CDKAL1: variants seen among roughly 807,000 people sequenced by gnomAD.
CDKAL1 encodes threonylcarbamoyladenosine tRNA methylthiotransferase.
A neutral mutation model predicts 68.2 loss-of-function variants in CDKAL1; 32 were observed. The observed-to-expected ratio is 0.47, with a 90% CI of 0.35 to 0.63. CDKAL1 has a LOEUF of 0.63. Ranked by LOEUF, CDKAL1 falls within the 30% of genes least tolerant of loss-of-function variation. CDKAL1 has a pLI of 0.00. For synonymous variants in CDKAL1, 234 were observed against 244.3 expected (o/e 0.96, Z 0.39); for missense variants, 606 against 696.7 (o/e 0.87, Z 1.47).
At chr6:20,725,107 A>G (rs1288297200) in intron 5 of CDKAL1, among the ~76,000 whole-genome samples, 3 of 152,118 alleles carry the variant, frequency 2.0e-5, no homozygotes, top group Non-Finnish European at 4.4e-5. Context: ...ATATACTGAT[A>G]TATTCTGGAG....
intron 12 of CDKAL1, among the ~76,000 whole-genome samples, chr6:21,070,844 G>T (rs563823710): frequency 1.3e-5 from 2 of 152,150 alleles, no homozygotes; most frequent in African/African-American, 2.4e-5. Context: ...CACAGAAATT[G>T]TAGTCCCTGA....
intron 8 of CDKAL1, among the ~76,000 whole-genome samples, chr6:20,814,731 A>T (rs1259024948): frequency 6.6e-6 from 1 of 152,112 alleles, no homozygotes; most frequent in Non-Finnish European, 1.5e-5. Context: ...ACTAGAAAGG[A>T]ATTGTTTTGC....
At chr6:21,008,180 C>T (rs941620256) in intron 11 of CDKAL1, among the ~76,000 whole-genome samples, 2 of 152,018 alleles carry the variant, frequency 1.3e-5, no homozygotes, top group African/African-American at 2.4e-5. Flanking sequence ...GATAGAGCCC[C>T]CCTTAGGCTG....
At chr6:21,032,027 CCTGCA>C (rs2150879514) in intron 11 of CDKAL1, among the ~76,000 whole-genome samples, 1 of 152,142 alleles carries the variant, frequency 6.6e-6, no homozygotes, top group East Asian at 1.9e-4. Flanking sequence ...CATTTCGACT[CCTGCA>C]CGTCCTATCT....
chr6:21,073,962 G>T (rs9295491), intron 12 of CDKAL1, among the ~76,000 whole-genome samples: 32,997 of 152,030 alleles, frequency 0.22, 3,837 homozygotes, highest in East Asian at 0.31. Flanking sequence ...CTGTTTCCTT[G>T]TATTATTCTC....
intron 9 of CDKAL1, among the ~76,000 whole-genome samples, chr6:20,910,433 T>G (rs1473044209): frequency 6.6e-6 from 1 of 152,216 alleles, no homozygotes; most frequent in African/African-American, 2.4e-5. Context: ...ATTGGAAATT[T>G]AAATTTAACT....
chr6:21,138,999 G>T (rs902343572), intron 13 of CDKAL1, among the ~76,000 whole-genome samples: 6 of 152,202 alleles, frequency 3.9e-5, no homozygotes, highest in African/African-American at 1.2e-4. Flanking sequence ...GAGAATGTGA[G>T]AGGCACGTCC....
intron 9 of CDKAL1, among the ~76,000 whole-genome samples, chr6:20,851,141 A>AT (rs1758989491): frequency 6.6e-6 from 1 of 151,808 alleles, no homozygotes; most frequent in South Asian, 2.1e-4. Flanking sequence ...TCTGGGTATC[A>AT]TTTTGTTGTT....
intron 4 of CDKAL1, among the ~76,000 whole-genome samples, chr6:20,597,965 C>T (rs765085717): frequency 2.0e-5 from 3 of 152,196 alleles, no homozygotes; most frequent in Non-Finnish European, 2.9e-5. Context: ...GTTTCCACTA[C>T]TGAGTGTTAA....
intron 5 of CDKAL1, among the ~76,000 whole-genome samples, chr6:20,658,173 A>T (rs974540245): frequency 1.3e-5 from 2 of 152,208 alleles, no homozygotes; most frequent in South Asian, 2.1e-4. Flanking sequence ...AAATAAACAC[A>T]TCTTGTGTGT....
intron 11 of CDKAL1, among the ~76,000 whole-genome samples, chr6:21,017,538 G>T (rs1217589143): frequency 6.6e-6 from 1 of 152,160 alleles, no homozygotes; most frequent in African/African-American, 2.4e-5. Context: ...CTAGGGTTTG[G>T]TTCAGTACAT....
At chr6:21,091,520 CCAGCTCAGGCGTA>C (rs1421133304) in intron 12 of CDKAL1, among the ~76,000 whole-genome samples, 1 of 152,180 alleles carries the variant, frequency 6.6e-6, no homozygotes, top group African/African-American at 2.4e-5. Flanking sequence ...CATTCCCTCC[CCAGCTCAGGCGTA>C]CAGCTCAGGC....
intron 9 of CDKAL1, among the ~76,000 whole-genome samples, chr6:20,880,506 C>T (rs950301126): frequency 4.6e-5 from 7 of 152,140 alleles, no homozygotes; most frequent in African/African-American, 9.7e-5. Flanking sequence ...CCGCCCACCT[C>T]GGCCTCCCAA....
rs1173105487 is a variant in CDKAL1, at chr6:20,544,968, TGTG to T, written c.-5-1377_-5-1375del. Among the ~76,000 whole-genome samples, 11 of 31,210 alleles carry T rather than the reference TGTG, an allele frequency of 3.5e-4. No homozygotes were observed. The African/African-American group carries it at 5.4e-3, about 15-fold the overall frequency. 20.5% of individuals were successfully genotyped at this position (31,210 alleles called of 152,430 possible). A position where few individuals can be genotyped will look rare whatever the true frequency, so the allele number is the denominator to read the frequency against. ...GCCTGGGGGTGGGATTACAGTTTTG[TGTG>T]TGTGTGTGTGTGTGTGTGTGTGTTT... is the stretch of plus-strand genomic sequence containing the variant. On this transcript the variant is annotated intron_variant, in intron 2 of 15. Coordinates refer to ENST00000274695, the MANE Select transcript of CDKAL1 (RefSeq NM_017774.3).
intron 5 of CDKAL1, among the ~76,000 whole-genome samples, chr6:20,701,230 T>C (rs1406060887): frequency 2.0e-5 from 3 of 151,000 alleles, no homozygotes; most frequent in East Asian, 1.9e-4. Context: ...TGATGACTTA[T>C]GGGCTCAATC....
At chr6:21,073,193 T>C (rs1231055394) in intron 12 of CDKAL1, among the ~76,000 whole-genome samples, 1 of 152,194 alleles carries the variant, frequency 6.6e-6, no homozygotes, top group Non-Finnish European at 1.5e-5. Flanking sequence ...TATTTCATTG[T>C]GTGGACGTAA....
intron 9 of CDKAL1, among the ~76,000 whole-genome samples, chr6:20,901,397 A>G (rs1007505301): frequency 4.6e-5 from 7 of 152,076 alleles, no homozygotes; most frequent in Non-Finnish European, 8.8e-5. Flanking sequence ...TTTAGAGGCC[A>G]GGCGCTGTGG....
intron 15 of CDKAL1, among the ~76,000 whole-genome samples, chr6:21,221,902 C>T (rs1394318257): frequency 6.6e-6 from 1 of 152,106 alleles, no homozygotes; most frequent in African/African-American, 2.4e-5. Flanking sequence ...TGGGCAGATG[C>T]CAAGCTTTGT....
chr6:21,012,927 C>G (rs1768103416), intron 11 of CDKAL1, among the ~76,000 whole-genome samples: 1 of 152,196 alleles, frequency 6.6e-6, no homozygotes, highest in African/African-American at 2.4e-5. Context: ...AACTTAGTAG[C>G]CTTTTAGTCT....
Sources: gnomAD v4.1 joint callset for allele counts (sites outside exome capture counted in the v4.1 genomes callset) on GRCh38, gnomAD v4.1.1 for gene constraint, MANE v1.5 for transcripts, NCBI Gene and HGNC (gene_info 2026-07-23, HGNC 2026-07-21) for gene names.